The following SYT14 variants were observed in gnomAD, a reference collection of about 807,000 sequenced individuals.
The protein encoded by SYT14 is synaptotagmin-14.
A neutral mutation model predicts 74.2 loss-of-function variants in SYT14; 32 were observed. That is an observed-to-expected ratio of 0.43 (90% CI 0.33 to 0.58). SYT14 has a LOEUF of 0.58. Among genes scored for constraint, SYT14 ranks in the 20% least tolerant of loss-of-function variants. SYT14 has a pLI of 0.05. For synonymous variants in SYT14, 298 were observed against 337.7 expected, an observed-to-expected ratio of 0.88 and a Z score of 1.29; for missense variants, 791 against 981.8, an observed-to-expected ratio of 0.81 and a Z score of 2.60.
intron 7 of SYT14, among the ~76,000 whole-genome samples, chr1:210,137,615 G>GT (rs1481424580): frequency 6.6e-6 from 1 of 150,782 alleles, no homozygotes; most frequent in Non-Finnish European, 1.5e-5. Flanking sequence ...AATAGGTAGA[G>GT]TAGGTTGATT....
chr1:210,169,968 C>A (rs963681768), exon 10 of SYT14: 3 of 150,860 alleles, frequency 2.0e-5, no homozygotes, highest in African/African-American at 7.3e-5. Context: ...TCCCTCCCTC[C>A]TTCCTTCCTA....
At chr1:209,977,507 TTTC>T (rs1203164292) in intron 2 of SYT14, among the ~76,000 whole-genome samples, 1 of 151,714 alleles carries the variant, frequency 6.6e-6, no homozygotes, top group East Asian at 1.9e-4. Flanking sequence ...TGAAAATTCT[TTTC>T]TTTAAGAATG....
At chr1:210,067,227 G>A (rs1000388058) in intron 5 of SYT14, among the ~76,000 whole-genome samples, 3 of 152,002 alleles carry the variant, frequency 2.0e-5, no homozygotes, top group Admixed American at 6.6e-5. Context: ...ATCATAAAGT[G>A]TGAGTCTTCC....
intron 1 of SYT14, among the ~76,000 whole-genome samples, chr1:209,945,530 C>CT (rs2078809154): frequency 6.6e-6 from 1 of 152,108 alleles, no homozygotes; most frequent in South Asian, 2.1e-4. Context: ...TAAGGATTAG[C>CT]TATAAAAGAG....
At chr1:210,144,195 T>C (rs1265489487) in intron 7 of SYT14, among the ~76,000 whole-genome samples, 1 of 152,190 alleles carries the variant, frequency 6.6e-6, no homozygotes, top group Non-Finnish European at 1.5e-5. Flanking sequence ...CTGATTCATA[T>C]AGATAAGGAG....
In SYT14 at chr1:209,968,726, C is replaced by CTT. The variant is rs34548472; in HGVS notation, c.-486+15982_-486+15983dup. 8.6e-3 allele frequency among the ~76,000 whole-genome samples: 1,186 copies of CTT among 137,226 alleles called. 17 individuals carry two copies. The highest frequency in any genetic ancestry group is 0.03 in the African/African-American group (1,129 of 37,746). The allele number at this position is 137,226 out of a possible 152,430, so 90.0% of individuals were successfully genotyped here. A position where few individuals can be genotyped will look rare whatever the true frequency, so the allele number is the denominator to read the frequency against. On this transcript the variant is annotated intron_variant, in intron 2 of 9. Coordinates refer to ENST00000637265, the Ensembl canonical transcript of SYT14. ...CTTTTCATGGTTTAGTAGCTCATTT[C>CTT]TTTTTTTTTTTTTAATAATTTAAAC...
chr1:209,997,038 C>A (rs1420722394), intron 2 of SYT14, among the ~76,000 whole-genome samples: 1 of 152,030 alleles, frequency 6.6e-6, no homozygotes, highest in Non-Finnish European at 1.5e-5. Flanking sequence ...GAACCTTTCT[C>A]CTTGAGAACT....
At chr1:210,111,033 C>T (rs1453855438) in intron 7 of SYT14, among the ~76,000 whole-genome samples, 1 of 152,148 alleles carries the variant, frequency 6.6e-6, no homozygotes, top group Non-Finnish European at 1.5e-5. Flanking sequence ...TGTGAGCCAC[C>T]ACATTAACAT....
chr1:209,938,653 G>A (rs1250804465), intron 1 of SYT14, among the ~76,000 whole-genome samples: 1 of 152,122 alleles, frequency 6.6e-6, no homozygotes, highest in Non-Finnish European at 1.5e-5. Flanking sequence ...GAGGGGCCAC[G>A]GGGGGCTCAG....
intron 3 of SYT14, 148 bp downstream of exon 3, chr1:210,013,945 T>C: frequency 1.3e-6 from 1 of 778,242 alleles, no homozygotes; most frequent in Non-Finnish European, 2.0e-6. Flanking sequence ...GTTAAGTAAA[T>C]TATGTTCAGG....
chr1:210,086,673 C>T (rs1219151369), intron 5 of SYT14, among the ~76,000 whole-genome samples: 1 of 152,198 alleles, frequency 6.6e-6, no homozygotes, highest in African/African-American at 2.4e-5. Context: ...AGTGGACTCA[C>T]TGCTGTTGAG....
At chr1:210,073,673 G>T (rs1435474040) in intron 5 of SYT14, among the ~76,000 whole-genome samples, 3 of 151,946 alleles carry the variant, frequency 2.0e-5, no homozygotes, top group African/African-American at 7.2e-5. Context: ...GGCCAGAATG[G>T]AGTTATGTTT....
chr1:209,995,917 T>C (rs1401309926), intron 2 of SYT14, among the ~76,000 whole-genome samples: 3 of 151,962 alleles, frequency 2.0e-5, no homozygotes, highest in Admixed American at 6.6e-5. Context: ...AGAAATAAAT[T>C]ATTTGAAATT....
chr1:209,952,390 T>TA (rs1042128878), intron 1 of SYT14, among the ~76,000 whole-genome samples: 5 of 152,188 alleles, frequency 3.3e-5, no homozygotes, highest in Non-Finnish European at 5.9e-5. Context: ...GGTCCTCTCT[T>TA]ACAGTCTTTC....
chr1:210,105,320 A>G (rs1396258069), intron 7 of SYT14, among the ~76,000 whole-genome samples: 1 of 152,166 alleles, frequency 6.6e-6, no homozygotes, highest in Admixed American at 6.6e-5. Context: ...AGCAGCATAG[A>G]TTACCACTCT....
chr1:210,125,241 G>A (rs1219421043), intron 7 of SYT14, among the ~76,000 whole-genome samples: 3 of 107,936 alleles, frequency 2.8e-5, no homozygotes, highest in Non-Finnish European at 3.6e-5. Flanking sequence ...TGAAATTCCC[G>A]GAGTCTGTTG....
At chr1:210,087,209 C>A (rs1221999217) in intron 5 of SYT14, among the ~76,000 whole-genome samples, 1 of 152,162 alleles carries the variant, frequency 6.6e-6, no homozygotes, top group Non-Finnish European at 1.5e-5. Flanking sequence ...CCCCACTTCG[C>A]CACACTCCAG....
chr1:210,161,644 A>T, exon 10 of SYT14: 1 of 453,890 alleles, frequency 2.2e-6, no homozygotes, highest in Non-Finnish European at 4.4e-6. Context: ...AAGTGCAAAC[A>T]AGTATTCATT....
chr1:210,009,900 A>T (rs1005542452), intron 2 of SYT14, among the ~76,000 whole-genome samples: 7 of 152,120 alleles, frequency 4.6e-5, no homozygotes, highest in Non-Finnish European at 8.8e-5. Context: ...CTCAAACTAG[A>T]AACTTTAGAA....
Sources: gnomAD v4.1 joint callset for allele counts (sites outside exome capture counted in the v4.1 genomes callset) on GRCh38, gnomAD v4.1.1 for gene constraint, MANE v1.5 for transcripts, NCBI Gene and HGNC (gene_info 2026-07-23, HGNC 2026-07-21) for gene names.